PTP4A1: variants seen among roughly 807,000 people sequenced by gnomAD.
PTP4A1 encodes protein tyrosine phosphatase type IVA 1.
In PTP4A1, 9 loss-of-function variants were observed where a neutral mutation model predicts 20.5. That is an observed-to-expected ratio of 0.44 (90% CI 0.26 to 0.77). PTP4A1 has a LOEUF of 0.77. Ranked by LOEUF, PTP4A1 falls within the 30% of genes least tolerant of loss-of-function variation. The probability of loss-of-function intolerance (pLI) is 0.19; values close to 1 mark genes in which losing one functional copy is unlikely to be tolerated. For synonymous variants in PTP4A1, 78 were observed against 67.4 expected (o/e 1.16, Z -0.77); for missense variants, 137 against 218.8 (o/e 0.63, Z 2.36).
chr6:63,571,719 A>T (rs1316146735), upstream of PTP4A1: 1 of 152,252 alleles, frequency 6.6e-6, no homozygotes, highest in Non-Finnish European at 1.5e-5. Flanking sequence ...CAATTGAGCC[A>T]ACTGCAGTTG....
chr6:63,533,562 T>A (rs978855310), intron 2 of PTP4A1, among the ~76,000 whole-genome samples: 3 of 152,192 alleles, frequency 2.0e-5, no homozygotes, highest in African/African-American at 7.2e-5. Context: ...GTATGCGTTG[T>A]TTAATCTTGA....
At chr6:63,529,438 C>G (rs901937218) in intron 2 of PTP4A1, among the ~76,000 whole-genome samples, 3 of 151,998 alleles carry the variant, frequency 2.0e-5, no homozygotes, top group African/African-American at 7.2e-5. Flanking sequence ...AAATAATTGT[C>G]CAGATTACTT....
intron 3 of PTP4A1, among the ~76,000 whole-genome samples, chr6:63,553,374 A>C (rs1581930991): frequency 6.6e-6 from 1 of 152,308 alleles, no homozygotes; most frequent in East Asian, 1.9e-4. Context: ...ATTTTCACAC[A>C]CAATTTTGGT....
chr6:63,546,990 TA>T (rs927554466), intron 2 of PTP4A1, among the ~76,000 whole-genome samples: 7 of 152,204 alleles, frequency 4.6e-5, no homozygotes, highest in African/African-American at 1.4e-4. Flanking sequence ...ATAAAGTTGA[TA>T]AAACATTCTT....
intron 2 of PTP4A1, among the ~76,000 whole-genome samples, chr6:63,531,512 CTTTTTT>C (rs753354152): frequency 7.8e-6 from 1 of 128,538 alleles, no homozygotes; most frequent in Non-Finnish European, 1.7e-5. Context: ...ATCTATTATG[CTTTTTT>C]TTTTTTTTTT....
At chr6:63,546,181 A>G (rs918121703) in intron 2 of PTP4A1, among the ~76,000 whole-genome samples, 2 of 152,220 alleles carry the variant, frequency 1.3e-5, no homozygotes, top group African/African-American at 4.8e-5. Context: ...CAGTATATAC[A>G]CACACAGGAA....
intron 3 of PTP4A1, among the ~76,000 whole-genome samples, chr6:63,562,511 T>C (rs1023487674): frequency 1.3e-5 from 2 of 152,236 alleles, no homozygotes; most frequent in African/African-American, 2.4e-5. Context: ...ATACTTTTAA[T>C]ATCCGAAAAG....
intron 3 of PTP4A1, among the ~76,000 whole-genome samples, chr6:63,555,716 C>T (rs891135672): frequency 6.6e-5 from 9 of 135,590 alleles, no homozygotes; most frequent in Admixed American, 5.5e-4. Flanking sequence ...TTTTTTGAGA[C>T]GGAGTCTCGC....
At chr6:63,549,203 G>A (rs1241145366) in intron 2 of PTP4A1, 2 of 708,228 alleles carry the variant, frequency 2.8e-6, no homozygotes, top group Non-Finnish European at 5.1e-6. Flanking sequence ...TCTCTGATCT[G>A]TACTTGTGGG....
At chr6:63,559,416 G>A (rs1475246384) in intron 3 of PTP4A1, among the ~76,000 whole-genome samples, 2 of 152,038 alleles carry the variant, frequency 1.3e-5, no homozygotes, top group African/African-American at 2.4e-5. Flanking sequence ...AAAGAAAAAT[G>A]GCTTAAACGC....
At chr6:63,548,676 T>A in intron 2 of PTP4A1, 1 of 475,984 alleles carries the variant, frequency 2.1e-6, no homozygotes, top group Non-Finnish European at 3.8e-6. Context: ...ATTTTAATTA[T>A]TTTTATGTAC....
At chr6:63,516,538 A>T in the PTP4A1 span, among the ~76,000 whole-genome samples, 5 of 152,180 alleles carry the variant, frequency 3.3e-5, no homozygotes, top group Non-Finnish European at 5.9e-5. Context: ...AGTCCATTTA[A>T]CTTCTTATGA....
In PTP4A1 at chr6:63,582,193, T is replaced by G. The variant is rs1778281286; in HGVS notation, c.*2019T>G. On this transcript the variant is annotated 3_prime_UTR_variant, in exon 6 of 6. Transcript: ENST00000626021. ...GGCTAATTTTTAACCTGAGGTTTTGTTTTTTTTTTAAAGGAAATGCAGCCT... is the reference window on the plus strand; with the variant it reads ...GGCTAATTTTTAACCTGAGGTTTTGGTTTTTTTTTAAAGGAAATGCAGCCT... 1.4e-5 allele frequency: 2 copies of G among 144,634 alleles called. No individual in the cohort carries two copies. The highest frequency in any genetic ancestry group is 1.4e-4 in the Admixed American group (2 of 14,576). The allele number at this position is 144,634 out of a possible 1,614,324, so 9.0% of individuals were successfully genotyped here.
intron 3 of PTP4A1, 63 bp downstream of exon 3, chr6:63,578,592 A>G: frequency 6.5e-7 from 1 of 1,542,590 alleles, no homozygotes; most frequent in Non-Finnish European, 8.7e-7. Flanking sequence ...TTCAAATAGT[A>G]AATTCAAATA....
chr6:63,533,832 T>TTAA (rs1554197953), intron 2 of PTP4A1, among the ~76,000 whole-genome samples: 1 of 149,768 alleles, frequency 6.7e-6, no homozygotes, highest in African/African-American at 2.5e-5. Context: ...AACAAACTTT[T>TTAA]TTAATTAATT....
chr6:63,535,797 G>A (rs1306684774), intron 2 of PTP4A1, among the ~76,000 whole-genome samples: 4 of 152,078 alleles, frequency 2.6e-5, no homozygotes, highest in African/African-American at 9.7e-5. Flanking sequence ...CTATATTTAG[G>A]CTGGCCACGA....
At chr6:63,560,694 G>C (rs890289075) in intron 3 of PTP4A1, among the ~76,000 whole-genome samples, 1 of 151,988 alleles carries the variant, frequency 6.6e-6, no homozygotes, top group Non-Finnish European at 1.5e-5. Flanking sequence ...GTGAGCCACC[G>C]CACCCAGCCA....
chr6:63,572,335 G>A (rs760839669), upstream of PTP4A1: 33 of 259,462 alleles, frequency 1.3e-4, no homozygotes, highest in Non-Finnish European at 2.0e-4. Context: ...TCACACCGGC[G>A]GCGGCCGCCG....
chr6:63,561,202 T>C (rs543274358), intron 3 of PTP4A1, among the ~76,000 whole-genome samples: 2 of 152,278 alleles, frequency 1.3e-5, no homozygotes, highest in South Asian at 4.1e-4. Flanking sequence ...CCACTGGAAT[T>C]TGAATTCCAG....
Sources: allele counts gnomAD v4.1 joint callset (sites outside exome capture counted in the v4.1 genomes callset), GRCh38; gene constraint gnomAD v4.1.1; transcripts MANE v1.5; gene names NCBI Gene and HGNC (gene_info 2026-07-23, HGNC 2026-07-21).